The following RNF10 variants were observed in gnomAD, a reference collection of about 807,000 sequenced individuals.
The protein encoded by RNF10 is E3 ubiquitin-protein ligase RNF10.
Under a neutral mutation model 91.4 loss-of-function variants are expected in RNF10, and 38 were observed. The observed-to-expected ratio is 0.42, with a 90% CI of 0.32 to 0.54. The LOEUF is 0.54. RNF10 is among the 20% of genes least tolerant of loss of function. The pLI, the probability that RNF10 is intolerant of heterozygous loss-of-function variation, is 0.16. For synonymous variants in RNF10, 364 were observed against 366.3 expected (o/e 0.99, Z 0.07); for missense variants, 945 against 1,012.0 (o/e 0.93, Z 0.90).
intron 1 of RNF10, chr12:120,539,608 G>A: frequency 2.5e-6 from 1 of 394,020 alleles, no homozygotes; most frequent in Non-Finnish European, 5.0e-6. Flanking sequence ...AAAAACTTGT[G>A]GCCCTTAATT....
intron 1 of RNF10, among the ~76,000 whole-genome samples, chr12:120,537,163 G>A (rs546833806): frequency 6.6e-5 from 10 of 151,370 alleles, no homozygotes; most frequent in South Asian, 2.1e-4. Context: ...TAAATGAGCC[G>A]GGCGTGGTGG....
intron 1 of RNF10, chr12:120,535,349 T>G (rs1870595520): frequency 6.2e-6 from 1 of 161,522 alleles, no homozygotes; most frequent in African/African-American, 2.4e-5. Context: ...GAATTAACAT[T>G]GGATAGTGTT....
At chr12:120,558,961 C>T (rs933525262) in intron 6 of RNF10, among the ~76,000 whole-genome samples, 16 of 151,670 alleles carry the variant, frequency 1.1e-4, no homozygotes, top group African/African-American at 1.2e-4. Flanking sequence ...CTCACTTTGT[C>T]GCCTGGGCTG....
At chr12:120,539,061 T>G (rs889364188) in intron 1 of RNF10, among the ~76,000 whole-genome samples, 1 of 152,222 alleles carries the variant, frequency 6.6e-6, no homozygotes, top group Admixed American at 6.6e-5. Flanking sequence ...AGGAACGCTT[T>G]GGATTTATTA....
At chr12:120,568,823 A>G (rs756915829) in intron 13 of RNF10, among the ~76,000 whole-genome samples, 1 of 151,878 alleles carries the variant, frequency 6.6e-6, no homozygotes, top group Non-Finnish European at 1.5e-5. Context: ...TGATGCATTC[A>G]TTAGCTCACT....
At position 120,534,972 on chromosome 12, in the gene RNF10, A is replaced by G; in HGVS notation, c.157+4A>G. On this transcript the variant is annotated splice_donor_region_variant and intron_variant, in intron 1 of 16. Coordinates refer to ENST00000325954, the MANE Select transcript of RNF10 (RefSeq NM_014868.5). ...GGCGAGTCTAAACCCAAGAGCGGTA[A>G]GGACGGGCCTGCGGCAGTGGGCGGG... The G allele has an allele frequency of 6.3e-7, 1 of 1,592,372 alleles. No homozygotes were observed. The highest frequency in any genetic ancestry group is 1.3e-5 in the African/African-American group (1 of 74,382).
rs1875795478 is a variant in RNF10 at position 120,566,841 on chromosome 12, T to G, written c.1902T>G (p.Ile634Met). ...CCTTTGCAGACCCAGAAGTCCACAT[T>G]CCCCTCGAGAATCTACAGCAGTTTC... ...KKQGKYPEVHIPLENLQQFPA... is the reference protein window; with the variant it reads ...KKQGKYPEVHMPLENLQQFPA... The change falls in exon 13 of 17, where the codon ATT becomes ATG. Residue 634 changes from isoleucine (I) to methionine (M), a missense_variant. Coordinates refer to ENST00000325954, the MANE Select transcript of RNF10 (RefSeq NM_014868.5). The G allele has an allele frequency of 1.3e-5, 21 of 1,613,440 alleles. No individual in the cohort carries two copies. Among genetic ancestry groups the G allele is most frequent in the Non-Finnish European group, 1.8e-5 (21 of 1,179,736 alleles).
At chr12:120,565,391 C>T (rs771297903) in intron 11 of RNF10, 37 bp from the exon 12 acceptor site, 20 of 1,588,172 alleles carry the variant, frequency 1.3e-5, no homozygotes, top group Middle Eastern at 1.7e-4. Context: ...ACCATGTTGT[C>T]CTGGGTCTAC....
Position 120,563,374 on chromosome 12 carries a change from G to A in RNF10, c.1282G>A (p.Asp428Asn). ...TGTGCTGGAGTATCTGTCTGCCTTC[G>A]ATGAAGAAACCACGGAAGTTTGTTC... Reference protein sequence around the residue: ...KGVLEYLSAFDEETTEVCSLD... With the variant: ...KGVLEYLSAFNEETTEVCSLD... Residue 428 changes from aspartate (D) to asparagine (N), a missense_variant, in exon 9 of 17, where the codon GAT (aspartate) becomes AAT (asparagine). Asp to Asn is a conservative substitution (Grantham distance 23). Transcript: ENST00000325954. 1.2e-6 allele frequency: 2 copies of A among 1,613,052 alleles called. No homozygotes were observed. The highest frequency in any genetic ancestry group is 1.1e-5 in the South Asian group (1 of 91,030).
At chr12:120,556,040 C>T (rs924100757) in intron 4 of RNF10, among the ~76,000 whole-genome samples, 6 of 149,114 alleles carry the variant, frequency 4.0e-5, no homozygotes, top group African/African-American at 7.4e-5. Flanking sequence ...CAACCTGTCT[C>T]GGCCTCCCAA....
intron 12 of RNF10, among the ~76,000 whole-genome samples, chr12:120,566,404 T>C (rs186687295): frequency 1.7e-4 from 26 of 152,318 alleles, no homozygotes; most frequent in Admixed American, 8.5e-4. Context: ...GTTTTAGCTT[T>C]TGTCTGCATC....
intron 13 of RNF10, among the ~76,000 whole-genome samples, chr12:120,568,661 A>C (rs138848226): frequency 6.6e-6 from 1 of 152,030 alleles, no homozygotes; most frequent in Non-Finnish European, 1.5e-5. Flanking sequence ...TTTTTAATAG[A>C]GACAGGGTCT....
intron 2 of RNF10, among the ~76,000 whole-genome samples, chr12:120,549,609 ACT>A (rs890954076): frequency 6.6e-6 from 1 of 151,554 alleles, no homozygotes; most frequent in African/African-American, 2.4e-5. Flanking sequence ...ATGTGGCAAA[ACT>A]CTGTCTCTAC....
chr12:120,565,155 T>C lies in RNF10; in HGVS notation c.1749T>C (p.Pro583=), dbSNP rs770399439. The C allele has an allele frequency of 1.2e-6, 2 of 1,613,418 alleles. No individual in the cohort carries two copies. The highest frequency in any genetic ancestry group is 1.7e-6 in the Non-Finnish European group (2 of 1,179,340). ...FSICELALQP[P]VVSKETLEMF... ...TCTGTGAACTGGCTTTGCAACCTCC[T>C]GTGGTCTCTAAGGAAACCCTAGAGA... Residue 583 remains proline, a synonymous_variant, in exon 11 of 17, where the codon CCT becomes CCC. Transcript: ENST00000325954.
intron 4 of RNF10, among the ~76,000 whole-genome samples, chr12:120,557,005 G>A (rs370503787): frequency 2.7e-5 from 4 of 150,852 alleles, no homozygotes; most frequent in Non-Finnish European, 5.9e-5. Context: ...TTAGCTGAGC[G>A]TGGTGGCAGG....
chr12:120,539,911 C>T (rs965762431), intron 1 of RNF10, among the ~76,000 whole-genome samples: 1 of 151,850 alleles, frequency 6.6e-6, no homozygotes, highest in African/African-American at 2.4e-5. Context: ...TCTCAGCTCA[C>T]TTTAACCTCT....
chr12:120,560,564 A>G (rs1874699859), intron 6 of RNF10, among the ~76,000 whole-genome samples, 162 bp from the exon 7 acceptor site: 1 of 152,228 alleles, frequency 6.6e-6, no homozygotes, highest in Non-Finnish European at 1.5e-5. Context: ...GCAGAGCTAC[A>G]GACCTTATTT....
chr12:120,546,478 TAAC>T lies in RNF10; in HGVS notation c.235_237del (p.Asn79del). 6.2e-7 allele frequency: 1 copy of T among 1,614,216 alleles called. No individual in the cohort carries two copies. Among genetic ancestry groups the T allele is most frequent in the Non-Finnish European group, 8.5e-7 (1 of 1,180,028 alleles). ...TTTCCTACCCCAAAAATGAAAGTTT[TAAC>T]AACCAGTCCCGTCGCTCCAGTTCAC... On this transcript the variant is annotated inframe_deletion, in exon 2 of 17. Transcript: ENST00000325954.
chr12:120,544,536 A>G (rs1429925797), intron 1 of RNF10, among the ~76,000 whole-genome samples: 1 of 152,156 alleles, frequency 6.6e-6, no homozygotes, highest in African/African-American at 2.4e-5. Flanking sequence ...GAGTGCCTGT[A>G]GTCTCAGCTG....
Sources: gnomAD v4.1 joint callset for allele counts (sites outside exome capture counted in the v4.1 genomes callset) on GRCh38, gnomAD v4.1.1 for gene constraint, MANE v1.5 for transcripts, NCBI Gene and HGNC (gene_info 2026-07-23, HGNC 2026-07-21) for gene names.